The following CMIP variants were observed in gnomAD, a reference collection of about 807,000 sequenced individuals.
CMIP encodes C-Maf-inducing protein.
In CMIP, 13 loss-of-function variants were observed where a neutral mutation model predicts 97.3. The observed-to-expected ratio is 0.13, with a 90% CI of 0.09 to 0.21. The LOEUF (loss-of-function observed/expected upper bound fraction) is 0.21. CMIP is among the 10% of genes least tolerant of loss of function. The probability of loss-of-function intolerance (pLI) is 1.00; values close to 1 mark genes in which losing one functional copy is unlikely to be tolerated. For missense variants in CMIP, 847 were observed against 1,024.9 expected (o/e 0.83, Z 2.37); for synonymous variants, 538 against 436.3 (o/e 1.23, Z -2.91).
At position 81,703,962 on chromosome 16, in the gene CMIP, G is replaced by A; in HGVS notation, c.1968G>A (p.Leu656=). The change falls in exon 18 of 21, where the codon CTG becomes CTA. Residue 656 remains leucine (L), a synonymous_variant. Coordinates refer to ENST00000537098, the MANE Select transcript of CMIP (RefSeq NM_198390.3). ...AGGACGCTGACTTGGCTCGTTTGCTGAGCTCCGGCTCCTTCGGAAACCTGG... is the reference window on the plus strand; with the variant it reads ...AGGACGCTGACTTGGCTCGTTTGCTAAGCTCCGGCTCCTTCGGAAACCTGG... ...KSTDADLARL[L]SSGSFGNLEN... 6.3e-7 allele frequency: 1 copy of A among 1,596,274 alleles called. No homozygotes were observed. The highest frequency in any genetic ancestry group is 1.3e-5 in the African/African-American group (1 of 74,386).
intron 1 of CMIP, among the ~76,000 whole-genome samples, chr16:81,448,299 A>G (rs62043926): frequency 0.18 from 27,901 of 152,258 alleles, 4,172 homozygotes; most frequent in African/African-American, 0.41. Flanking sequence ...GATTCAAACC[A>G]ATAAACAAGC....
chr16:81,454,316 GA>G (rs1181724711), intron 1 of CMIP, among the ~76,000 whole-genome samples: 1 of 152,186 alleles, frequency 6.6e-6, no homozygotes, highest in African/African-American at 2.4e-5. Context: ...CTCAGATAAA[GA>G]GAGCTGGGAG....
intron 1 of CMIP, chr16:81,518,549 C>G (rs1438653099): frequency 6.6e-6 from 1 of 152,332 alleles, no homozygotes; most frequent in Non-Finnish European, 1.5e-5. Context: ...GTCCGGGCGC[C>G]CAGCACGGGT....
intron 1 of CMIP, among the ~76,000 whole-genome samples, chr16:81,556,121 G>A (rs373531893): frequency 1.3e-5 from 2 of 152,214 alleles, no homozygotes; most frequent in African/African-American, 4.8e-5. Context: ...TCTGAGTCCT[G>A]GGAACTGAGG....
chr16:81,626,748 TG>T (rs941874900), intron 3 of CMIP, among the ~76,000 whole-genome samples: 1 of 137,148 alleles, frequency 7.3e-6, no homozygotes, highest in African/African-American at 2.7e-5. Context: ...ACAGTGGGTG[TG>T]GGTGTGTGTG....
At chr16:81,518,534 G>A (rs557134280) in intron 1 of CMIP, 1 of 152,506 alleles carries the variant, frequency 6.6e-6, no homozygotes, top group South Asian at 2.1e-4. Flanking sequence ...TGTACGCTGA[G>A]AACCGTCCGG....
chr16:81,532,811 C>T (rs16955518), intron 1 of CMIP, among the ~76,000 whole-genome samples: 308 of 152,330 alleles, frequency 2.0e-3, no homozygotes, highest in African/African-American at 7.1e-3. Flanking sequence ...CAATGATTAA[C>T]TGTGTGACCT....
At chr16:81,623,421 G>A (rs979734283) in intron 3 of CMIP, among the ~76,000 whole-genome samples, 1 of 152,234 alleles carries the variant, frequency 6.6e-6, no homozygotes, top group African/African-American at 2.4e-5. Flanking sequence ...ACTGGCAGAT[G>A]CCTGGGTGTG....
chr16:81,489,567 C>G (rs2089373364), intron 1 of CMIP, among the ~76,000 whole-genome samples: 1 of 152,330 alleles, frequency 6.6e-6, no homozygotes, highest in South Asian at 2.1e-4. Context: ...GTGTGACTTT[C>G]AGAGTGCAGG....
At chr16:81,670,391 G>T in intron 8 of CMIP, 146 bp downstream of exon 8, 1 of 818,962 alleles carries the variant, frequency 1.2e-6, no homozygotes, top group Admixed American at 2.5e-5. Flanking sequence ...CACGGTGCCC[G>T]ATAGGAACTC....
chr16:81,534,222 G>A (rs1336613463), intron 1 of CMIP, among the ~76,000 whole-genome samples: 1 of 152,222 alleles, frequency 6.6e-6, no homozygotes, highest in African/African-American at 2.4e-5. Flanking sequence ...TGGACTCTGA[G>A]CTCTTTAAAA....
intron 1 of CMIP, chr16:81,495,591 C>T (rs752697498): frequency 2.9e-5 from 38 of 1,326,190 alleles, no homozygotes; most frequent in Non-Finnish European, 3.8e-5. Flanking sequence ...AATTCACAGA[C>T]CCACTTCTCA....
At chr16:81,594,863 C>G (rs2091527158) in intron 1 of CMIP, among the ~76,000 whole-genome samples, 1 of 148,800 alleles carries the variant, frequency 6.7e-6, no homozygotes. Flanking sequence ...ATCTCCTGAC[C>G]TCATGATCCG....
intron 1 of CMIP, among the ~76,000 whole-genome samples, chr16:81,492,812 G>C (rs957389810): frequency 2.0e-5 from 3 of 151,982 alleles, no homozygotes; most frequent in Non-Finnish European, 4.4e-5. Context: ...GGAAGTTGTC[G>C]TGGGGGGTCG....
chr16:81,607,676 G>A lies in CMIP; in HGVS notation c.410G>A (p.Gly137Glu). The change falls in exon 2 of 21, where the codon GGA becomes GAA. Residue 137 changes from glycine to glutamate, a missense_variant. By Grantham distance (98) the Gly-to-Glu change is moderately conservative (BLOSUM62 -2). Around this residue, in one of 4 missense-constraint regions of CMIP, gnomAD observed 285 missense variants for 392.2 expected, o/e 0.73. Coordinates refer to ENST00000537098, the MANE Select transcript of CMIP (RefSeq NM_198390.3). ...TGTTTACAGCTCACGATTCCTGGGG[G>A]AACTGTCTTACTGCAGGTAGGAGAA... is the stretch of plus-strand genomic sequence containing the variant. ...KYCLQLTIPG[G>E]TVLLQAANSY... 6.2e-7 allele frequency: 1 copy of A among 1,613,914 alleles called. No homozygotes were observed. The highest frequency in any genetic ancestry group is 8.5e-7 in the Non-Finnish European group (1 of 1,179,838).
In CMIP at chr16:81,451,256, G is replaced by T. The variant is rs888741529; in HGVS notation, c.300+5715G>T. Among the ~76,000 whole-genome samples, 4 of 152,120 alleles carry T rather than the reference G, an allele frequency of 2.6e-5. No homozygotes were observed. The South Asian group carries it at 6.2e-4, about 24-fold the overall frequency. On this transcript the variant is annotated intron_variant, in intron 1 of 20. Transcript: ENST00000537098. ...TCTCTTGGTAGTGAATAAGTCTCACGAGATCTGATGGTTTTATAAGGGGAA... is the reference window on the plus strand; with the variant it reads ...TCTCTTGGTAGTGAATAAGTCTCACTAGATCTGATGGTTTTATAAGGGGAA...
At chr16:81,457,082 C>A (rs763683716) in intron 1 of CMIP, among the ~76,000 whole-genome samples, 1 of 152,110 alleles carries the variant, frequency 6.6e-6, no homozygotes, top group Non-Finnish European at 1.5e-5. Flanking sequence ...TACTGTGGAG[C>A]GAGCGTCCCG....
chr16:81,561,487 A>G (rs1267432277), intron 1 of CMIP, among the ~76,000 whole-genome samples: 2 of 152,116 alleles, frequency 1.3e-5, no homozygotes, highest in Non-Finnish European at 2.9e-5. Context: ...AGCAGGAGTG[A>G]GGCTGGTCAG....
At chr16:81,656,574 C>G (rs903658136) in intron 4 of CMIP, among the ~76,000 whole-genome samples, 1 of 152,254 alleles carries the variant, frequency 6.6e-6, no homozygotes, top group Non-Finnish European at 1.5e-5. Flanking sequence ...TTTCCTTGTT[C>G]AAGTACTCAC....
Sources: allele counts gnomAD v4.1 joint callset (sites outside exome capture counted in the v4.1 genomes callset), GRCh38; gene constraint gnomAD v4.1.1; regional missense constraint gnomAD v4.1.1; transcripts MANE v1.5; gene names NCBI Gene and HGNC (gene_info 2026-07-23, HGNC 2026-07-21).